Variants in UBE2R2 observed in about 807,000 individuals in gnomAD.
UBE2R2 encodes ubiquitin conjugating enzyme E2 R2.
In UBE2R2, 1 loss-of-function variant was observed where a neutral mutation model predicts 27.8. That is an observed-to-expected ratio of 0.04 (90% CI 0.01 to 0.17). The LOEUF (loss-of-function observed/expected upper bound fraction) is 0.17, where lower values mean the gene tolerates loss of function less well. Ranked by LOEUF, UBE2R2 falls within the 10% of genes least tolerant of loss-of-function variation. The pLI is 1.00. For missense variants in UBE2R2, 100 were observed against 291.0 expected (o/e 0.34, Z 4.78); for synonymous variants, 106 against 113.3 (o/e 0.94, Z 0.41).
chr9:33,827,239 G>A (rs1820334358), intron 1 of UBE2R2, among the ~76,000 whole-genome samples: 1 of 152,218 alleles, frequency 6.6e-6, no homozygotes, highest in African/African-American at 2.4e-5. Flanking sequence ...TGAGGTGGGA[G>A]GATCACTTGA....
At chr9:33,839,081 C>CAAA (rs71943200) in intron 1 of UBE2R2, among the ~76,000 whole-genome samples, 1 of 128,244 alleles carries the variant, frequency 7.8e-6, no homozygotes, top group Non-Finnish European at 1.7e-5. Context: ...GGCACTGTCT[C>CAAA]AAAAAAAAAA....
intron 1 of UBE2R2, among the ~76,000 whole-genome samples, chr9:33,839,286 G>A (rs1820680908): frequency 1.3e-5 from 2 of 152,120 alleles, no homozygotes; most frequent in Admixed American, 1.3e-4. Context: ...TGCCCAGACT[G>A]GACTGCAATG....
intron 1 of UBE2R2, among the ~76,000 whole-genome samples, chr9:33,869,793 G>A (rs1821445410): frequency 6.6e-6 from 1 of 151,502 alleles, no homozygotes; most frequent in African/African-American, 2.4e-5. Context: ...TGCATTTTAG[G>A]GTACATCTTT....
At chr9:33,837,818 G>A (rs1449506698) in intron 1 of UBE2R2, among the ~76,000 whole-genome samples, 1 of 151,874 alleles carries the variant, frequency 6.6e-6, no homozygotes, top group African/African-American at 2.4e-5. Flanking sequence ...AAGATTGCAG[G>A]TGTGATCCAC....
At chr9:33,863,305 C>A (rs1821287307) in intron 1 of UBE2R2, among the ~76,000 whole-genome samples, 1 of 151,816 alleles carries the variant, frequency 6.6e-6, no homozygotes, top group South Asian at 2.1e-4. Flanking sequence ...AGATTCATCA[C>A]CTGAGGTCCC....
intron 1 of UBE2R2, among the ~76,000 whole-genome samples, chr9:33,841,071 C>G (rs1331194073): frequency 6.6e-6 from 1 of 151,568 alleles, no homozygotes; most frequent in Non-Finnish European, 1.5e-5. Context: ...ATTATAAGCA[C>G]CTGCCACCAC....
chr9:33,870,562 T>C (rs1460998079), intron 1 of UBE2R2, among the ~76,000 whole-genome samples: 3 of 151,932 alleles, frequency 2.0e-5, no homozygotes, highest in African/African-American at 7.3e-5. Context: ...AACGAGTGAG[T>C]AGAAAAGTTA....
At chr9:33,870,996 C>T (rs1563995382) in intron 1 of UBE2R2, among the ~76,000 whole-genome samples, 1 of 152,200 alleles carries the variant, frequency 6.6e-6, no homozygotes, top group Non-Finnish European at 1.5e-5. Flanking sequence ...TCTTTGCTCA[C>T]ATGTGTAAGC....
At chr9:33,827,949 C>CAAGATTGCATAGCCTGGGCAATCCA (rs1417805803) in intron 1 of UBE2R2, among the ~76,000 whole-genome samples, 2 of 149,926 alleles carry the variant, frequency 1.3e-5, no homozygotes, top group Non-Finnish European at 3.0e-5. Context: ...CCAGCCTGGG[C>CAAGATTGCATAGCCTGGGCAATCCA]GACATAGCAA....
upstream of UBE2R2, among the ~76,000 whole-genome samples, chr9:33,817,054 G>A (rs1180631892): frequency 6.6e-6 from 1 of 151,892 alleles, no homozygotes; most frequent in Non-Finnish European, 1.5e-5. Flanking sequence ...GGTGGGGGGA[G>A]GGGAGGGAGG....
At chr9:33,822,842 G>T (rs1820183497) in intron 1 of UBE2R2, among the ~76,000 whole-genome samples, 1 of 150,352 alleles carries the variant, frequency 6.7e-6, no homozygotes, top group African/African-American at 2.5e-5. Flanking sequence ...ACCAGACTTA[G>T]CCTAGATCTG....
intron 3 of UBE2R2, among the ~76,000 whole-genome samples, chr9:33,902,213 C>T (rs1435071267): frequency 6.6e-6 from 1 of 152,088 alleles, no homozygotes; most frequent in African/African-American, 2.4e-5. Flanking sequence ...AGCACCTGGA[C>T]TAATTTTTAA....
At chr9:33,873,922 C>T (rs996772104) in intron 1 of UBE2R2, among the ~76,000 whole-genome samples, 1 of 150,338 alleles carries the variant, frequency 6.7e-6, no homozygotes, top group South Asian at 2.1e-4. Flanking sequence ...GGGTTTCAGG[C>T]ATGAACCAGC....
rs572286375 is a variant in UBE2R2, at chr9:33,899,107, T to C, written c.265-1067T>C. 2.6e-5 allele frequency among the ~76,000 whole-genome samples: 4 copies of C among 152,346 alleles called. No individual in the cohort carries two copies. In the East Asian group the frequency reaches 7.7e-4, roughly 29 times the overall value. On this transcript the variant is annotated intron_variant, in intron 2 of 4. Coordinates refer to ENST00000263228, the MANE Select transcript of UBE2R2 (RefSeq NM_017811.4). The stretch of plus-strand genomic sequence containing the variant: ...AGTAGATATTAAGCAAGGTTAGATA[T>C]TTTTTCTTCCTTTTTATGTACTCTA...
At chr9:33,880,698 C>G (rs138257239) in intron 1 of UBE2R2, among the ~76,000 whole-genome samples, 1 of 152,330 alleles carries the variant, frequency 6.6e-6, no homozygotes, top group Non-Finnish European at 1.5e-5. Context: ...TGGTACAACT[C>G]TGTGGCCTGT....
chr9:33,893,945 T>C (rs1822040808), intron 2 of UBE2R2, among the ~76,000 whole-genome samples: 1 of 151,776 alleles, frequency 6.6e-6, no homozygotes, highest in African/African-American at 2.4e-5. Context: ...TTTTCTTCCT[T>C]CTTTTTTCTT....
intron 1 of UBE2R2, among the ~76,000 whole-genome samples, chr9:33,876,432 A>G (rs1057074768): frequency 6.6e-6 from 1 of 152,202 alleles, no homozygotes; most frequent in African/African-American, 2.4e-5. Flanking sequence ...ATAAAATTGT[A>G]TAATTGCTCA....
At chr9:33,826,715 A>C (rs1042807031) in intron 1 of UBE2R2, among the ~76,000 whole-genome samples, 13 of 152,076 alleles carry the variant, frequency 8.5e-5, no homozygotes, top group African/African-American at 2.9e-4. Context: ...CCCCCTCCAA[A>C]AAAAAAGAAA....
intron 2 of UBE2R2, among the ~76,000 whole-genome samples, chr9:33,891,047 G>GTTTTTTTGTT (rs1554676113): frequency 4.7e-5 from 6 of 126,410 alleles, no homozygotes; most frequent in African/African-American, 1.7e-4. Flanking sequence ...TTGTTGTTGT[G>GTTTTTTTGTT]TTTTTTTGTT....
Sources: gnomAD v4.1 joint callset for allele counts (sites outside exome capture counted in the v4.1 genomes callset) on GRCh38, gnomAD v4.1.1 for gene constraint, MANE v1.5 for transcripts, NCBI Gene and HGNC (gene_info 2026-07-23, HGNC 2026-07-21) for gene names.